ANKRD27: variants seen among roughly 807,000 people sequenced by gnomAD.
ANKRD27 encodes ankyrin repeat domain 27, also known as ankyrin repeat domain-containing protein 27.
In ANKRD27, 112 loss-of-function variants were observed where a neutral mutation model predicts 129.7. The ratio of observed to expected loss-of-function variants is 0.86; its 90% CI spans 0.74 to 1.01. ANKRD27 has a LOEUF of 1.01. Ranked by LOEUF, ANKRD27 falls within the 50% of genes least tolerant of loss-of-function variation. The pLI, the probability that ANKRD27 is intolerant of heterozygous loss-of-function variation, is 0.00. For missense variants in ANKRD27, 1,258 were observed against 1,300.5 expected, an observed-to-expected ratio of 0.97 and a Z score of 0.50; for synonymous variants, 516 against 511.2, an observed-to-expected ratio of 1.01 and a Z score of -0.13.
chr19:32,668,713 G>C (rs1481009235), intron 1 of ANKRD27, among the ~76,000 whole-genome samples: 1 of 151,436 alleles, frequency 6.6e-6, no homozygotes, highest in Non-Finnish European at 1.5e-5. Flanking sequence ...GGACTCCAGG[G>C]TGCTGAGATT....
Position 32,649,739 on chromosome 19 carries a change from C to G in ANKRD27, c.156G>C (p.Gln52His). ...CAGGTATCAAAATGTAGGACTCAAA[C>G]TGACAAGTAGACTGGATGCTGCTCG... ...SLSSSIQSTC[Q>H]FESYILIPVE... The change falls in exon 3 of 29, where the codon CAG becomes CAC. Residue 52 changes from glutamine to histidine, a missense_variant. By Grantham distance (24) the Gln-to-His change is conservative. Coordinates refer to ENST00000306065, the MANE Select transcript of ANKRD27 (RefSeq NM_032139.3). The G allele has an allele frequency of 6.2e-7, 1 of 1,614,110 alleles. No individual in the cohort carries two copies. The highest frequency in any genetic ancestry group is 8.5e-7 in the Non-Finnish European group (1 of 1,180,002).
Position 32,622,476 on chromosome 19 carries a change from G to A in ANKRD27, c.1773C>T (p.Thr591=), listed in dbSNP as rs754915397. The stretch of plus-strand genomic sequence containing the variant: ...TCTCCTTCAGTCTGTTCTGGATCTC[G>A]GTGGACGCTCCGTTCTGCAGCAATG... The part of the protein sequence containing the change: ...IETLLQNGAS[T]EIQNRLKETP... Residue 591 remains threonine (T), a synonymous_variant, in exon 18 of 29, where the codon ACC becomes ACT. Coordinates refer to ENST00000306065, the MANE Select transcript of ANKRD27 (RefSeq NM_032139.3). 64 of 1,613,838 alleles carry A rather than the reference G, an allele frequency of 4.0e-5. No homozygotes were observed. The East Asian group carries it at 1.1e-3, about 29-fold the overall frequency.
intron 27 of ANKRD27, 40 bp from the exon 28 acceptor site, chr19:32,599,816 T>G (rs780641640): frequency 1.9e-6 from 3 of 1,604,112 alleles, no homozygotes; most frequent in East Asian, 4.5e-5. Flanking sequence ...TTTGGGACAG[T>G]GGCATGAAAC....
intron 2 of ANKRD27, among the ~76,000 whole-genome samples, chr19:32,653,203 A>G (rs1358027907): frequency 6.6e-6 from 1 of 152,080 alleles, no homozygotes; most frequent in East Asian, 1.9e-4. Flanking sequence ...AAGCATCTAT[A>G]CTAAATAAAT....
intron 1 of ANKRD27, among the ~76,000 whole-genome samples, chr19:32,660,472 C>A (rs1323501934): frequency 1.3e-5 from 2 of 152,164 alleles, no homozygotes; most frequent in Non-Finnish European, 2.9e-5. Flanking sequence ...GAGCAGAGAT[C>A]ACGCCACCGC....
rs553906031 is a variant in ANKRD27, at chr19:32,612,725, C to T, written c.2175+2933G>A. Among the ~76,000 whole-genome samples the T allele has an allele frequency of 3.9e-4, 60 of 152,210 alleles. No individual in the cohort carries two copies. The South Asian group carries it at 7.7e-3, about 19-fold the overall frequency. On this transcript the variant is annotated intron_variant, in intron 22 of 28. Transcript: ENST00000306065. ...GAGGCTTTTCAACAAATGGTGCTGGCGCAAGTGGACACTTGTAGGCAAGAA... is the reference window on the plus strand; with the variant it reads ...GAGGCTTTTCAACAAATGGTGCTGGTGCAAGTGGACACTTGTAGGCAAGAA...
intron 12 of ANKRD27, among the ~76,000 whole-genome samples, chr19:32,636,708 G>C (rs1275939573): frequency 9.9e-6 from 1 of 101,054 alleles, no homozygotes; most frequent in Non-Finnish European, 2.3e-5. Flanking sequence ...GAAAAAAACA[G>C]TTCTCTCTCT....
At chr19:32,606,095 C>T in intron 23 of ANKRD27, 141 bp from the exon 24 acceptor site, 1 of 659,390 alleles carries the variant, frequency 1.5e-6, no homozygotes, top group Non-Finnish European at 2.2e-6. Flanking sequence ...GTTTGATATT[C>T]TTTTGACTTG....
At chr19:32,629,330 G>GA (rs534376838) in intron 13 of ANKRD27, among the ~76,000 whole-genome samples, 52 of 152,264 alleles carry the variant, frequency 3.4e-4, no homozygotes, top group African/African-American at 1.3e-3. Flanking sequence ...GAGGAGAGAT[G>GA]AAACAACTGC....
chr19:32,620,878 C>CCAGT (rs1971999250), intron 18 of ANKRD27, among the ~76,000 whole-genome samples: 1 of 92,050 alleles, frequency 1.1e-5, no homozygotes, highest in African/African-American at 5.0e-5. Context: ...ACAGCCAAAC[C>CCAGT]TTGTCTCAAA....
chr19:32,605,880 G>GT lies in ANKRD27; in HGVS notation c.2447dup (p.Tyr816Ter), dbSNP rs1971726513. The change falls in exon 24 of 29, where the codon TAC (tyrosine) becomes TAAC (stop). Residue 816 changes from tyrosine to a stop codon, truncating the protein, a stop_gained and frameshift_variant. Transcript: ENST00000306065. LOFTEE classifies it high-confidence loss of function. ...GCTCGTGATGGCCACCGGAGCAGGC[G>GT]TAAATGAGGGGCGTGTTTCCACTGA... ...KDLSGNTPLIYACSGGHHELV... is the reference protein window; with the variant it reads ...KDLSGNTPLI 1.2e-6 allele frequency: 2 copies of GT among 1,613,822 alleles called. No individual in the cohort carries two copies. The highest frequency in any genetic ancestry group is 4.5e-5 in the East Asian group (2 of 44,864).
At chr19:32,623,358 C>G (rs915952890) in intron 17 of ANKRD27, among the ~76,000 whole-genome samples, 3 of 152,096 alleles carry the variant, frequency 2.0e-5, no homozygotes, top group African/African-American at 7.2e-5. Flanking sequence ...GCTGAACGCC[C>G]GAGTTTCTTC....
At chr19:32,600,445 G>C (rs142526757) in intron 26 of ANKRD27, among the ~76,000 whole-genome samples, 2,048 of 152,276 alleles carry the variant, frequency 0.013, 19 homozygotes, top group Non-Finnish European at 0.022. Context: ...AGAGGCTGAG[G>C]CAGGAGACTC....
At chr19:32,643,766 C>G (rs1417513854) in intron 5 of ANKRD27, 135 bp from the exon 6 acceptor site, 1 of 829,364 alleles carries the variant, frequency 1.2e-6, no homozygotes. Flanking sequence ...TTTTTCTCAA[C>G]TTTTTTTTTA....
At chr19:32,651,708 C>T (rs371377889) in intron 2 of ANKRD27, among the ~76,000 whole-genome samples, 27 of 152,170 alleles carry the variant, frequency 1.8e-4, no homozygotes, top group African/African-American at 5.5e-4. Context: ...GAGAACTCTG[C>T]CCCACTGTGC....
intron 2 of ANKRD27, among the ~76,000 whole-genome samples, chr19:32,654,555 C>T (rs1447018182): frequency 1.1e-4 from 17 of 152,314 alleles, no homozygotes; most frequent in East Asian, 7.7e-4. Context: ...CCTCCTCACA[C>T]GGACAAGAGG....
intron 15 of ANKRD27, among the ~76,000 whole-genome samples, chr19:32,627,765 C>T (rs1287914264): frequency 3.9e-5 from 6 of 152,232 alleles, no homozygotes; most frequent in South Asian, 4.1e-4. Flanking sequence ...TGCGAGCTGA[C>T]GATTCTGAGA....
At chr19:32,620,927 C>T (rs1458969228) in intron 18 of ANKRD27, among the ~76,000 whole-genome samples, 1 of 139,004 alleles carries the variant, frequency 7.2e-6, no homozygotes, top group Non-Finnish European at 1.6e-5. Flanking sequence ...CAGAAGTAAA[C>T]TTTTGGAGGT....
At chr19:32,619,045 G>A (rs1971965897) in intron 20 of ANKRD27, among the ~76,000 whole-genome samples, 1 of 152,222 alleles carries the variant, frequency 6.6e-6, no homozygotes, top group African/African-American at 2.4e-5. Flanking sequence ...TCAGGGAGTG[G>A]TCCATGAAGG....
Sources: gnomAD v4.1 joint callset for allele counts (sites outside exome capture counted in the v4.1 genomes callset) on GRCh38, gnomAD v4.1.1 for gene constraint, MANE v1.5 for transcripts, NCBI Gene and HGNC (gene_info 2026-07-23, HGNC 2026-07-21) for gene names.